LSG1: variants seen among roughly 807,000 people sequenced by gnomAD.
LSG1 encodes large 60S subunit nuclear export GTPase 1, also known as large subunit GTPase 1 homolog.
Under a neutral mutation model 82.6 loss-of-function variants are expected in LSG1, and 55 were observed. That is an observed-to-expected ratio of 0.67 (90% CI 0.54 to 0.83). LSG1 has a LOEUF of 0.83. Ranked by LOEUF, LSG1 falls within the 40% of genes least tolerant of loss-of-function variation. The probability of loss-of-function intolerance (pLI) is 0.00; values close to 1 mark genes in which losing one functional copy is unlikely to be tolerated. For synonymous variants in LSG1, 272 were observed against 282.5 expected (o/e 0.96, Z 0.37); for missense variants, 809 against 807.9 (o/e 1.00, Z -0.02).
At chr3:194,665,213 C>T in intron 5 of LSG1, among the ~76,000 whole-genome samples, 1 of 152,224 alleles carries the variant, frequency 6.6e-6, no homozygotes, top group East Asian at 1.9e-4. Flanking sequence ...CTCCCCATAA[C>T]ATAGATGCTC....
chr3:194,651,338 A>G (rs1307908348), intron 8 of LSG1, 122 bp from the exon 9 acceptor site: 2 of 681,864 alleles, frequency 2.9e-6, no homozygotes, highest in African/African-American at 3.6e-5. Context: ...AATTATTTGA[A>G]ATCCATGCTG....
Position 194,652,840 on chromosome 3 carries a change from C to T in LSG1, c.1062G>A (p.Lys354=). The T allele has an allele frequency of 6.2e-7, 1 of 1,614,148 alleles. No homozygotes were observed. The highest frequency in any genetic ancestry group is 8.5e-7 in the Non-Finnish European group (1 of 1,180,040). ...SEARSRKTPQ[K]RQIHNFSHLV... ...GATGGCTAAAATTGTGTATCTGCCT[C>T]TTCTGTGGGGTTTTCCTGCTCCGAG... Residue 354 remains lysine (K), a synonymous_variant, in exon 8 of 14, where the codon AAG becomes AAA. Transcript: ENST00000265245.
intron 5 of LSG1, among the ~76,000 whole-genome samples, chr3:194,663,135 CCGG>C (rs1463361670): frequency 3.9e-5 from 6 of 151,980 alleles, no homozygotes; most frequent in African/African-American, 9.7e-5. Context: ...TCCTCAAGGT[CCGG>C]GCTGCAGTAC....
At chr3:194,657,544 T>C (rs1049999382) in intron 7 of LSG1, among the ~76,000 whole-genome samples, 1 of 149,276 alleles carries the variant, frequency 6.7e-6, no homozygotes. Context: ...TGAAAGGGGA[T>C]GAACTAACAG....
chr3:194,652,388 G>A (rs986359991), intron 8 of LSG1, among the ~76,000 whole-genome samples: 10 of 152,212 alleles, frequency 6.6e-5, no homozygotes, highest in African/African-American at 2.4e-4. Context: ...ATCACAGGGT[G>A]CCCAAAGAAC....
intron 10 of LSG1, 119 bp from the exon 11 acceptor site, chr3:194,648,923 A>T: frequency 1.0e-6 from 1 of 966,520 alleles, no homozygotes; most frequent in Non-Finnish European, 1.6e-6. Flanking sequence ...CTCCTCTCCA[A>T]AGGAAGAGGA....
rs745416870 is a variant in LSG1, at chr3:194,672,173, C to A, written c.-11G>T. On this transcript the variant is annotated 5_prime_UTR_variant, in exon 1 of 14. Coordinates refer to ENST00000265245, the MANE Select transcript of LSG1 (RefSeq NM_018385.3). ...TCTCCTCCGGCCCATGGCAACACGA[C>A]CGCTGGACGAAGCTTCCCGGCTCGG... 3.5e-5 allele frequency: 56 copies of A among 1,587,832 alleles called. 1 individual carries two copies. The South Asian group carries it at 5.8e-4, about 17-fold the overall frequency.
intron 1 of LSG1, 104 bp downstream of exon 1, chr3:194,671,956 ACCCG>A: frequency 9.9e-7 from 1 of 1,005,064 alleles, no homozygotes; most frequent in South Asian, 1.3e-5. Context: ...ATCCTTCAAA[ACCCG>A]GCTGAGGCGT....
At chr3:194,670,500 AT>A (rs1719122084) in intron 1 of LSG1, among the ~76,000 whole-genome samples, 1 of 152,226 alleles carries the variant, frequency 6.6e-6, no homozygotes, top group Admixed American at 6.5e-5. Flanking sequence ...TCAAAACTTT[AT>A]TTGATATAAT....
At chr3:194,660,620 A>C (rs1031168004) in intron 5 of LSG1, 1 of 308,078 alleles carries the variant, frequency 3.2e-6, no homozygotes, top group African/African-American at 2.2e-5. Context: ...GCCACTATTG[A>C]AGCTAGTATC....
rs141587970 is a variant in LSG1 at position 194,653,898 on chromosome 3, A to C, written c.760-756T>G. On this transcript the variant is annotated intron_variant, in intron 7 of 13. Coordinates refer to ENST00000265245, the MANE Select transcript of LSG1 (RefSeq NM_018385.3). Reference sequence around the variant, plus strand: ...AAAACAAACAGAAAACCACCACCACAACAACAACAACAAAACTCTTCAAAG... The same window carrying C: ...AAAACAAACAGAAAACCACCACCACCACAACAACAACAAAACTCTTCAAAG... Among the ~76,000 whole-genome samples the C allele has an allele frequency of 2.1e-3, 324 of 152,144 alleles. 1 individual carries two copies. The highest frequency in any genetic ancestry group is 4.4e-3 in the African/African-American group (184 of 41,544).
At chr3:194,658,282 G>A (rs1773193) in intron 7 of LSG1, among the ~76,000 whole-genome samples, 93,308 of 151,644 alleles carry the variant, frequency 0.62, 30,258 homozygotes, top group East Asian at 0.87. Flanking sequence ...CGAGTAGCTG[G>A]GATTACAGGC....
chr3:194,656,456 TCACA>T (rs1213708099), intron 7 of LSG1, among the ~76,000 whole-genome samples: 1 of 152,142 alleles, frequency 6.6e-6, no homozygotes, highest in Non-Finnish European at 1.5e-5. Context: ...AGATACCATC[TCACA>T]CCAGTTAGAA....
Position 194,652,422 on chromosome 3 carries a change from C to T in LSG1, c.1173+307G>A, listed in dbSNP as rs952805873. On this transcript the variant is annotated intron_variant, in intron 8 of 13. Transcript: ENST00000265245. ...ACACTGGGCTGAAGTCTGAAGACAA[C>T]ATTAACATCTCTCTCATTCTGCTGT... Among the ~76,000 whole-genome samples the T allele has an allele frequency of 2.6e-5, 4 of 152,248 alleles. No individual in the cohort carries two copies. In the East Asian group the frequency reaches 7.7e-4, roughly 29 times the overall value.
At chr3:194,647,015 C>T (rs1199534448) in intron 11 of LSG1, among the ~76,000 whole-genome samples, 1 of 152,226 alleles carries the variant, frequency 6.6e-6, no homozygotes. Flanking sequence ...AACACGGCTT[C>T]AGCAGACAGG....
At position 194,665,624 on chromosome 3, in the gene LSG1, G is replaced by A. The variant is rs146126947; in HGVS notation, c.454C>T (p.Leu152=). The change falls in exon 5 of 14, where the codon CTG becomes TTG. Residue 152 remains leucine (L), a synonymous_variant. Coordinates refer to ENST00000265245, the MANE Select transcript of LSG1 (RefSeq NM_018385.3). ...QLVRLEEEQK[L]ILTPFERNLD... is the part of the protein sequence containing the mutation. ...TTTCGTTCAAATGGAGTCAATATCA[G>A]CTTCTGTTCCTCTTCTAGCCTAGTT... is the stretch of plus-strand genomic sequence containing the variant. 7.3e-5 allele frequency: 117 copies of A among 1,612,078 alleles called. No homozygotes were observed. The African/African-American group carries it at 1.4e-3, about 20-fold the overall frequency.
intron 7 of LSG1, among the ~76,000 whole-genome samples, chr3:194,655,920 T>C (rs887193247): frequency 1.3e-5 from 2 of 152,174 alleles, no homozygotes; most frequent in East Asian, 3.9e-4. Flanking sequence ...CTATTTAATA[T>C]ATGGTGCTGG....
chr3:194,669,908 G>T, intron 2 of LSG1, 101 bp downstream of exon 2: 1 of 1,385,232 alleles, frequency 7.2e-7, no homozygotes, highest in Non-Finnish European at 9.8e-7. Context: ...TTCAGCCTGG[G>T]TGACAGAGCG....
In LSG1 at chr3:194,670,023, G is replaced by A. The variant is rs749438585; in HGVS notation, c.212C>T (p.Thr71Ile). 1 of 1,613,862 alleles carries A rather than the reference G, an allele frequency of 6.2e-7. No individual in the cohort carries two copies. Among genetic ancestry groups the A allele is most frequent in the African/African-American group, 1.3e-5 (1 of 74,928 alleles). Residue 71 changes from threonine (T) to isoleucine (I), a missense_variant, in exon 2 of 14, where the codon ACA (threonine) becomes ATA (isoleucine). By Grantham distance (89) the Thr-to-Ile change is moderately conservative. Transcript: ENST00000265245. ...DFLATAELAG[T>I]EFVAEKLNIK... ...AAACAACTTACCAGCTACAAACTCT[G>A]TTCCTGCAAGTTCTGCAGTAGCAAG...
Sources: gnomAD v4.1 joint callset for allele counts (sites outside exome capture counted in the v4.1 genomes callset) on GRCh38, gnomAD v4.1.1 for gene constraint, MANE v1.5 for transcripts, NCBI Gene and HGNC (gene_info 2026-07-23, HGNC 2026-07-21) for gene names.